CNTNAP5: variants seen among roughly 807,000 people sequenced by gnomAD.
CNTNAP5 encodes contactin associated protein family member 5.
A neutral mutation model predicts 150.2 loss-of-function variants in CNTNAP5; 72 were observed. That is an observed-to-expected ratio of 0.48 (90% CI 0.40 to 0.58). The LOEUF is 0.58. CNTNAP5 is among the 20% of genes least tolerant of loss of function. The pLI is 0.00. For synonymous variants in CNTNAP5, 672 were observed against 619.8 expected (o/e 1.08, Z -1.25); for missense variants, 1,636 against 1,626.2 (o/e 1.01, Z -0.10).
intron 19 of CNTNAP5, among the ~76,000 whole-genome samples, chr2:124,832,910 T>G (rs1189158694): frequency 6.8e-6 from 1 of 146,636 alleles, no homozygotes; most frequent in Admixed American, 6.7e-5. Flanking sequence ...TTTCTTTTTT[T>G]TTCTTTTCCT....
chr2:124,383,121 C>T (rs1404947479), intron 3 of CNTNAP5, among the ~76,000 whole-genome samples: 6 of 152,150 alleles, frequency 3.9e-5, no homozygotes, highest in Admixed American at 1.3e-4. Context: ...ATCACAATGA[C>T]CCGTACATTT....
At chr2:124,698,918 G>A (rs917535012) in intron 13 of CNTNAP5, among the ~76,000 whole-genome samples, 1 of 152,122 alleles carries the variant, frequency 6.6e-6, no homozygotes, top group African/African-American at 2.4e-5. Context: ...CTGATCCTTC[G>A]AAGAGTGGCA....
At chr2:124,762,611 T>G (rs187996467) in intron 14 of CNTNAP5, among the ~76,000 whole-genome samples, 5 of 152,268 alleles carry the variant, frequency 3.3e-5, no homozygotes, top group Non-Finnish European at 7.4e-5. Flanking sequence ...ATCTCCATTT[T>G]AAAATTGAGC....
intron 3 of CNTNAP5, among the ~76,000 whole-genome samples, chr2:124,256,743 A>T (rs1387979248): frequency 6.6e-6 from 1 of 152,178 alleles, no homozygotes; most frequent in Non-Finnish European, 1.5e-5. Flanking sequence ...ATTCTATGGA[A>T]GTGTATGTAA....
chr2:124,839,645 T>C (rs1682902224), intron 19 of CNTNAP5, among the ~76,000 whole-genome samples: 1 of 152,136 alleles, frequency 6.6e-6, no homozygotes, highest in Admixed American at 6.6e-5. Flanking sequence ...CATTTTAGAC[T>C]ACTCTGTTCT....
intron 3 of CNTNAP5, among the ~76,000 whole-genome samples, chr2:124,273,277 G>A (rs1283066906): frequency 6.6e-6 from 1 of 152,124 alleles, no homozygotes; most frequent in Non-Finnish European, 1.5e-5. Context: ...TATAGTGAGA[G>A]ACATTATACA....
intron 6 of CNTNAP5, among the ~76,000 whole-genome samples, chr2:124,458,725 TAA>T (rs1385163877): frequency 1.3e-5 from 2 of 152,082 alleles, no homozygotes; most frequent in African/African-American, 4.8e-5. Context: ...ATTAATAAGT[TAA>T]AAGTGTCTAC....
chr2:124,732,860 A>C (rs1680302564), intron 13 of CNTNAP5, among the ~76,000 whole-genome samples: 1 of 152,172 alleles, frequency 6.6e-6, no homozygotes, highest in Non-Finnish European at 1.5e-5. Context: ...ATGTTTTCAA[A>C]CACAAAAATT....
intron 7 of CNTNAP5, among the ~76,000 whole-genome samples, chr2:124,493,155 T>A (rs955546547): frequency 6.6e-6 from 1 of 152,102 alleles, no homozygotes; most frequent in Non-Finnish European, 1.5e-5. Flanking sequence ...CTTCTACACC[T>A]AAATCGTTAA....
chr2:124,658,730 A>G (rs1157684357), intron 13 of CNTNAP5, among the ~76,000 whole-genome samples: 2 of 152,210 alleles, frequency 1.3e-5, no homozygotes, highest in Non-Finnish European at 2.9e-5. Flanking sequence ...TGTGTGTATT[A>G]CCGTAGAATA....
At chr2:124,452,869 T>A (rs949253013) in intron 6 of CNTNAP5, among the ~76,000 whole-genome samples, 3 of 152,094 alleles carry the variant, frequency 2.0e-5, no homozygotes, top group African/African-American at 4.8e-5. Context: ...CATAAGGAAC[T>A]GTACAACAGC....
chr2:124,547,712 G>T (rs1176909837), intron 10 of CNTNAP5, among the ~76,000 whole-genome samples: 2 of 152,198 alleles, frequency 1.3e-5, no homozygotes, highest in Non-Finnish European at 2.9e-5. Context: ...TCATATTTAA[G>T]ATTAAAGAGT....
chr2:124,147,258 T>A (rs186626028), intron 1 of CNTNAP5, among the ~76,000 whole-genome samples: 1 of 151,982 alleles, frequency 6.6e-6, no homozygotes, highest in Non-Finnish European at 1.5e-5. Context: ...TTGTTTTCAG[T>A]TTTTTTTCAA....
chr2:124,555,401 A>G (rs943999371), intron 10 of CNTNAP5, among the ~76,000 whole-genome samples: 6 of 152,338 alleles, frequency 3.9e-5, no homozygotes, highest in African/African-American at 1.4e-4. Flanking sequence ...GGAAGCTCAG[A>G]CAAGGTCTCC....
intron 14 of CNTNAP5, among the ~76,000 whole-genome samples, chr2:124,755,148 G>C (rs1231456025): frequency 6.6e-6 from 1 of 151,252 alleles, no homozygotes; most frequent in Non-Finnish European, 1.5e-5. Context: ...AATATGAACA[G>C]CCTATCATCC....
At chr2:124,149,543 G>A (rs1446077686) in intron 1 of CNTNAP5, among the ~76,000 whole-genome samples, 1 of 151,952 alleles carries the variant, frequency 6.6e-6, no homozygotes, top group Non-Finnish European at 1.5e-5. Flanking sequence ...TGCAACCAGG[G>A]CAAATAACAC....
At chr2:124,750,761 G>A (rs756521203) in intron 14 of CNTNAP5, among the ~76,000 whole-genome samples, 44 of 151,882 alleles carry the variant, frequency 2.9e-4, no homozygotes, top group Non-Finnish European at 5.4e-4. Flanking sequence ...CGAGGTGGGC[G>A]GATCACGAGG....
At chr2:124,105,059 A>G (rs747998893) in intron 1 of CNTNAP5, among the ~76,000 whole-genome samples, 3 of 127,934 alleles carry the variant, frequency 2.3e-5, no homozygotes, top group Non-Finnish European at 5.7e-5. Context: ...GCATATAAAG[A>G]CCTCCTCCCT....
In CNTNAP5 at chr2:124,695,493, T is replaced by C. The variant is rs142867602; in HGVS notation, c.2077+47535T>C. Among the ~76,000 whole-genome samples, 78 of 152,266 alleles carry C rather than the reference T, an allele frequency of 5.1e-4. 1 individual carries two copies. The East Asian group carries it at 0.014, about 28-fold the overall frequency. Reference sequence around the variant, plus strand: ...GTATAAGCTGTCTGCAGAACACCAATGGGTGTACATGAAGAATTTGTGTAC... The same window carrying C: ...GTATAAGCTGTCTGCAGAACACCAACGGGTGTACATGAAGAATTTGTGTAC... On this transcript the variant is annotated intron_variant, in intron 13 of 23. Coordinates refer to ENST00000682447, the MANE Select transcript of CNTNAP5 (RefSeq NM_001367498.1).
Sources: allele counts gnomAD v4.1 joint callset (sites outside exome capture counted in the v4.1 genomes callset), GRCh38; gene constraint gnomAD v4.1.1; transcripts MANE v1.5; gene names NCBI Gene and HGNC (gene_info 2026-07-23, HGNC 2026-07-21).